The following MMP16 variants were observed in gnomAD, a reference collection of about 807,000 sequenced individuals.
The protein encoded by MMP16 is matrix metallopeptidase 16.
Under a neutral mutation model 67.8 loss-of-function variants are expected in MMP16, and 12 were observed. The observed-to-expected ratio is 0.18, with a 90% CI of 0.11 to 0.29. The LOEUF is 0.29. Ranked by LOEUF, MMP16 falls within the 10% of genes least tolerant of loss-of-function variation. The probability of loss-of-function intolerance (pLI) is 1.00; values close to 1 mark genes in which losing one functional copy is unlikely to be tolerated. For missense variants in MMP16, 475 were observed against 765.7 expected, an observed-to-expected ratio of 0.62 and a Z score of 4.48; for synonymous variants, 249 against 255.9, an observed-to-expected ratio of 0.97 and a Z score of 0.26.
intron 1 of MMP16, among the ~76,000 whole-genome samples, chr8:88,230,534 T>G (rs1198644074): frequency 1.4e-4 from 3 of 20,758 alleles, no homozygotes; most frequent in Non-Finnish European, 3.1e-4. Flanking sequence ...GGATCAATTT[T>G]CTTTTTTTTT....
chr8:88,121,031 T>C (rs1807820978), intron 4 of MMP16, among the ~76,000 whole-genome samples: 1 of 151,362 alleles, frequency 6.6e-6, no homozygotes, highest in African/African-American at 2.4e-5. Flanking sequence ...TTATTAAAGG[T>C]ACTTCAAACC....
At chr8:88,241,619 T>C (rs1281845821) in intron 1 of MMP16, among the ~76,000 whole-genome samples, 1 of 152,134 alleles carries the variant, frequency 6.6e-6, no homozygotes, top group Non-Finnish European at 1.5e-5. Flanking sequence ...TAACATGATG[T>C]TTTGATATAA....
chr8:88,121,405 C>G (rs907009636), intron 4 of MMP16, among the ~76,000 whole-genome samples: 3 of 151,918 alleles, frequency 2.0e-5, no homozygotes, highest in African/African-American at 7.2e-5. Flanking sequence ...GTAATTAAAC[C>G]TTACTTGCAG....
chr8:88,243,120 T>C (rs775561167), intron 1 of MMP16, among the ~76,000 whole-genome samples: 1 of 152,166 alleles, frequency 6.6e-6, no homozygotes, highest in Non-Finnish European at 1.5e-5. Context: ...TGTGAAGCTA[T>C]CATCTGCCTC....
At chr8:88,314,215 T>G (rs1194842059) in intron 1 of MMP16, among the ~76,000 whole-genome samples, 1 of 152,212 alleles carries the variant, frequency 6.6e-6, no homozygotes, top group African/African-American at 2.4e-5. Flanking sequence ...TCTCATGTAT[T>G]GTAATTTTTA....
At chr8:88,304,450 C>T (rs1328539262) in intron 1 of MMP16, among the ~76,000 whole-genome samples, 1 of 152,084 alleles carries the variant, frequency 6.6e-6, no homozygotes, top group Non-Finnish European at 1.5e-5. Flanking sequence ...CAGAGAACCC[C>T]AGTAAGATAC....
chr8:88,250,630 G>A (rs1221285501), intron 1 of MMP16, among the ~76,000 whole-genome samples: 2 of 151,844 alleles, frequency 1.3e-5, no homozygotes, highest in Non-Finnish European at 2.9e-5. Context: ...CCAATTAGTA[G>A]GGGCTGAAAA....
chr8:88,314,466 T>C (rs1459650508), intron 1 of MMP16, among the ~76,000 whole-genome samples: 1 of 152,232 alleles, frequency 6.6e-6, no homozygotes, highest in Non-Finnish European at 1.5e-5. Context: ...TGGGTATTTC[T>C]GTATTCCAAC....
chr8:88,149,456 T>A (rs1300226722), intron 4 of MMP16, among the ~76,000 whole-genome samples: 5 of 152,128 alleles, frequency 3.3e-5, no homozygotes, highest in Non-Finnish European at 7.3e-5. Flanking sequence ...GACTTAAATG[T>A]CCCTGTCTGA....
At chr8:88,254,347 T>C (rs1940063081) in intron 1 of MMP16, among the ~76,000 whole-genome samples, 1 of 151,706 alleles carries the variant, frequency 6.6e-6, no homozygotes, top group Non-Finnish European at 1.5e-5. Context: ...GAAAAATAAC[T>C]AATGGGTACT....
At chr8:88,253,209 C>T (rs1810252744) in intron 1 of MMP16, among the ~76,000 whole-genome samples, 1 of 151,884 alleles carries the variant, frequency 6.6e-6, no homozygotes, top group African/African-American at 2.4e-5. Flanking sequence ...AATATTATTC[C>T]AGGTCTTCCA....
chr8:88,115,948 G>A (rs1301570391), intron 6 of MMP16, among the ~76,000 whole-genome samples: 2 of 151,970 alleles, frequency 1.3e-5, no homozygotes, highest in Non-Finnish European at 2.9e-5. Context: ...ATATAAATTA[G>A]TTAGATATAA....
intron 1 of MMP16, among the ~76,000 whole-genome samples, chr8:88,208,158 A>C (rs1194355538): frequency 7.1e-6 from 1 of 140,772 alleles, no homozygotes; most frequent in Non-Finnish European, 1.5e-5. Flanking sequence ...AAAATATCAC[A>C]AAGAACATTC....
chr8:88,192,096 A>G (rs1809177602), intron 2 of MMP16, among the ~76,000 whole-genome samples: 1 of 152,248 alleles, frequency 6.6e-6, no homozygotes, highest in African/African-American at 2.4e-5. Context: ...TATTTATAGT[A>G]GTCCCCAAAA....
chr8:88,259,294 C>T (rs769826463), intron 1 of MMP16, among the ~76,000 whole-genome samples: 2 of 152,106 alleles, frequency 1.3e-5, no homozygotes, highest in African/African-American at 2.4e-5. Context: ...AAATTGGATG[C>T]ATTTTCAACG....
At chr8:88,104,001 T>C (rs1330629926) in intron 6 of MMP16, among the ~76,000 whole-genome samples, 3 of 151,790 alleles carry the variant, frequency 2.0e-5, no homozygotes, top group Admixed American at 6.6e-5. Flanking sequence ...GGACATTTAG[T>C]CAGTCTAAAG....
chr8:88,268,078 C>T (rs144727129), intron 1 of MMP16, among the ~76,000 whole-genome samples: 1 of 152,162 alleles, frequency 6.6e-6, no homozygotes, highest in Non-Finnish European at 1.5e-5. Flanking sequence ...AGCGGTGGCT[C>T]GTGCCTGTAA....
chr8:88,232,825 C>T (rs2129877199), intron 1 of MMP16, among the ~76,000 whole-genome samples: 1 of 152,228 alleles, frequency 6.6e-6, no homozygotes, highest in Admixed American at 6.5e-5. Flanking sequence ...CCAGTTAAAG[C>T]AGTGTGGAAT....
At chr8:88,061,959 G>A (rs1808405074) in intron 7 of MMP16, among the ~76,000 whole-genome samples, 1 of 151,230 alleles carries the variant, frequency 6.6e-6, no homozygotes, top group Non-Finnish European at 1.5e-5. Context: ...GCAAAATAGA[G>A]AGCTTATCAG....
Sources: gnomAD v4.1 joint callset for allele counts (sites outside exome capture counted in the v4.1 genomes callset) on GRCh38, gnomAD v4.1.1 for gene constraint, MANE v1.5 for transcripts, NCBI Gene and HGNC (gene_info 2026-07-23, HGNC 2026-07-21) for gene names.